HTR1B: variants seen among roughly 807,000 people sequenced by gnomAD.
HTR1B encodes 5-hydroxytryptamine (serotonin) receptor 1B, G protein-coupled.
HTR1B carries 12 observed loss-of-function variants against 25.3 expected under a neutral mutation model. The observed-to-expected ratio is 0.47, with a 90% confidence interval of 0.30 to 0.77. The LOEUF is 0.77. HTR1B is among the 30% of genes least tolerant of loss of function. HTR1B has a pLI of 0.06. For synonymous variants in HTR1B, 224 were observed against 219.1 expected (o/e 1.02, Z -0.20); for missense variants, 453 against 503.0 (o/e 0.90, Z 0.95).
In HTR1B at chr6:77,463,271, A is replaced by G. The variant is rs139152500; in HGVS notation, c.133T>C (p.Ser45Pro). The change falls in exon 1 of 1, where the codon TCC becomes CCC. Residue 45 changes from serine (S) to proline (P), a missense_variant. Physicochemically the swap from Ser to Pro is moderately conservative, Grantham distance 74 (BLOSUM62 -1). Transcript: ENST00000369947. ...ACCAGCAGTACTTTCCAGGGTAGGG[A>G]GATGGAGTCCTGGTAAATGTAGTCC... ...AKDYIYQDSI[S>P]LPWKVLLVML... 6.2e-7 allele frequency: 1 copy of G among 1,614,038 alleles called. No homozygotes were observed. The highest frequency in any genetic ancestry group is 1.3e-5 in the African/African-American group (1 of 74,912).
At position 77,463,453 on chromosome 6, in the gene HTR1B, C is replaced by T. The variant is rs200454424; in HGVS notation, c.-50G>A. On this transcript the variant is annotated 5_prime_UTR_variant, in exon 1 of 1. Transcript: ENST00000369947. ...GCGCAGCTCTTGGGCATGGAGCGGA[C>T]GAAGGAGAGGGCGGAAGGACCGTGG... 1.3e-6 allele frequency: 2 copies of T among 1,500,554 alleles called. No homozygotes were observed. Among genetic ancestry groups the T allele is most frequent in the East Asian group, 2.3e-5 (1 of 44,240 alleles). 93.0% of individuals were successfully genotyped at this position (1,500,554 alleles called of 1,614,324 possible).
chr6:77,462,524 C>T lies in HTR1B; in HGVS notation c.880G>A (p.Val294Ile), dbSNP rs749280197. 4.3e-6 allele frequency: 7 copies of T among 1,613,762 alleles called. No individual in the cohort carries two copies. The highest frequency in any genetic ancestry group is 5.9e-6 in the Non-Finnish European group (7 of 1,180,028). ...TTCTTTTCCAGCAGGGCGTCGGAGA[C>T]TCGCACTTTGACTTGGTTCACATAC... The part of the protein sequence containing the change: ...PVYVNQVKVR[V>I]SDALLEKKKL... Residue 294 changes from valine to isoleucine, a missense_variant, in exon 1 of 1, where the codon GTC becomes ATC. By Grantham distance (29) the Val-to-Ile change is conservative (BLOSUM62 3). This residue lies in a region of HTR1B where 289 missense variants were observed against 319.6 expected (regional missense o/e 0.90). Transcript: ENST00000369947. This position sits in a 1 kb window ranked among gnomAD's most constrained non-coding sequence, Gnocchi z 4.9.
In HTR1B at chr6:77,463,450, G is replaced by C. The variant is rs781088431; in HGVS notation, c.-47C>G. 3.3e-6 allele frequency: 5 copies of C among 1,515,968 alleles called. No homozygotes were observed. The highest frequency in any genetic ancestry group is 1.2e-5 in the South Asian group (1 of 83,522). The allele number at this position is 1,515,968 out of a possible 1,614,324, so 93.9% of individuals were successfully genotyped here. A position where few individuals can be genotyped will look rare whatever the true frequency, so the allele number is the denominator to read the frequency against. ...GGAGCGCAGCTCTTGGGCATGGAGCGGACGAAGGAGAGGGCGGAAGGACCG... is the reference window on the plus strand; with the variant it reads ...GGAGCGCAGCTCTTGGGCATGGAGCCGACGAAGGAGAGGGCGGAAGGACCG... On this transcript the variant is annotated 5_prime_UTR_variant, in exon 1 of 1. Transcript: ENST00000369947.
Position 77,462,965 on chromosome 6 carries a change from G to A in HTR1B, c.439C>T (p.Arg147Cys). The change falls in exon 1 of 1, where the codon CGC (arginine) becomes TGC (cysteine). Residue 147 changes from arginine to cysteine, a missense_variant. By Grantham distance (180) the Arg-to-Cys change is radical (BLOSUM62 -3). This residue lies in a region of HTR1B where 289 missense variants were observed against 319.6 expected (regional missense o/e 0.90). Transcript: ENST00000369947. This position sits in a 1 kb window ranked among gnomAD's most constrained non-coding sequence, Gnocchi z 4.9. ...ACGGCGTCCGTGATGGCCCAGTAGC[G>A]GTCCAGGGCGATGACACAGAGGTGC... The part of the protein sequence containing the change: ...ILHLCVIALD[R>C]YWAITDAVEY... The A allele has an allele frequency of 1.2e-6, 2 of 1,614,082 alleles. No homozygotes were observed. The highest frequency in any genetic ancestry group is 1.7e-6 in the Non-Finnish European group (2 of 1,180,048).
rs769751002 is a variant in HTR1B, at chr6:77,462,492, G to C, written c.912C>G (p.Leu304=). The C allele has an allele frequency of 6.2e-7, 1 of 1,614,018 alleles. No individual in the cohort carries two copies. ...VSDALLEKKK[L]MAARERKATK... ...TGGCTTTGCGCTCCCTAGCGGCCAT[G>C]AGTTTCTTCTTTTCCAGCAGGGCGT... is the stretch of plus-strand genomic sequence containing the variant. Residue 304 remains leucine (L), a synonymous_variant, in exon 1 of 1, where the codon CTC becomes CTG. Coordinates refer to ENST00000369947, the MANE Select transcript of HTR1B (RefSeq NM_000863.3). This position sits in a 1 kb window ranked among gnomAD's most constrained non-coding sequence, Gnocchi z 4.9.
In HTR1B at chr6:77,463,433, G is replaced by C. The variant is rs1322274573; in HGVS notation, c.-30C>G. On this transcript the variant is annotated 5_prime_UTR_variant, in exon 1 of 1. Coordinates refer to ENST00000369947, the MANE Select transcript of HTR1B (RefSeq NM_000863.3). ...CTCCTCGCCCCAGCTCCGGAGCGCA[G>C]CTCTTGGGCATGGAGCGGACGAAGG... is the stretch of plus-strand genomic sequence containing the variant. 6.3e-7 allele frequency: 1 copy of C among 1,582,420 alleles called. No homozygotes were observed.
In HTR1B at chr6:77,461,102, AT is replaced by A. The variant is rs539911887; in HGVS notation, c.*1128del. Among the ~76,000 whole-genome samples, 1 of 152,132 alleles carries A rather than the reference AT, an allele frequency of 6.6e-6. No individual in the cohort carries two copies. The highest frequency in any genetic ancestry group is 2.4e-5 in the African/African-American group (1 of 41,418). On this transcript the variant is annotated 3_prime_UTR_variant, in exon 1 of 1. Coordinates refer to ENST00000369947, the MANE Select transcript of HTR1B (RefSeq NM_000863.3). ...AGATAAAAGTTTCATGCATTTTAAG[AT>A]TTTTTTACAAGTCAAAATATACATC...
Position 77,462,676 on chromosome 6 carries a change from G to T in HTR1B, c.728C>A (p.Thr243Lys), listed in dbSNP as rs968574182. The change falls in exon 1 of 1, where the codon ACG (threonine) becomes AAG (lysine). Residue 243 changes from threonine (T) to lysine (K), a missense_variant. Physicochemically the swap from Thr to Lys is moderately conservative, Grantham distance 78. Around this residue, in one of 3 missense-constraint regions of HTR1B, gnomAD observed 289 missense variants for 319.6 expected, o/e 0.90. Transcript: ENST00000369947. The surrounding 1 kb of genome is among the most constrained non-coding windows in gnomAD (Gnocchi z 4.9). The stretch of plus-strand genomic sequence containing the variant: ...CAAGCGCTTGCCGGTCCTGTTGGGC[G>T]TCTGTTTCAAAATCCGGGAGCGGGC... ...VEARSRILKQ[T>K]PNRTGKRLTR... The T allele has an allele frequency of 6.2e-7, 1 of 1,613,538 alleles. No homozygotes were observed. Among genetic ancestry groups the T allele is most frequent in the Non-Finnish European group, 8.5e-7 (1 of 1,180,014 alleles).
chr6:77,461,965 G>A lies in HTR1B; in HGVS notation c.*266C>T, dbSNP rs9361234. ...GTTGCAACCCCCTTTGGGATTGGCT[G>A]CCGCAGGGTCAGTGCTGAGCCCGGG... On this transcript the variant is annotated 3_prime_UTR_variant, in exon 1 of 1. Transcript: ENST00000369947. 146,302 of 393,730 alleles carry A rather than the reference G, an allele frequency of 0.37. 31,307 individuals carry two copies. The highest frequency in any genetic ancestry group is 0.52 in the Middle Eastern group (770 of 1,480). 24.4% of individuals were successfully genotyped at this position (393,730 alleles called of 1,614,324 possible). A position where few individuals can be genotyped will look rare whatever the true frequency, so the allele number is the denominator to read the frequency against.
Position 77,462,594 on chromosome 6 carries a change from A to C in HTR1B, c.810T>G (p.Ile270Met), listed in dbSNP as rs750950785. The C allele has an allele frequency of 6.2e-7, 1 of 1,613,066 alleles. No individual in the cohort carries two copies. Among genetic ancestry groups the C allele is most frequent in the Admixed American group, 1.7e-5 (1 of 60,006 alleles). Residue 270 changes from isoleucine (I) to methionine (M), a missense_variant, in exon 1 of 1, where the codon ATT becomes ATG. By Grantham distance (10) the Ile-to-Met change is conservative (BLOSUM62 1). This residue lies in a region of HTR1B where 289 missense variants were observed against 319.6 expected (regional missense o/e 0.90). Coordinates refer to ENST00000369947, the MANE Select transcript of HTR1B (RefSeq NM_000863.3). The surrounding 1 kb of genome is among the most constrained non-coding windows in gnomAD (Gnocchi z 4.9). ...SPGSTSSVTS[I>M]NSRVPDVPSE... ...TGGGCACGTCGGGAACCCGCGAGTTAATAGAGGTGACCGAGGACGTGGACC... is the reference window on the plus strand; with the variant it reads ...TGGGCACGTCGGGAACCCGCGAGTTCATAGAGGTGACCGAGGACGTGGACC...
At position 77,463,288 on chromosome 6, in the gene HTR1B, A is replaced by C; in HGVS notation, c.116T>G (p.Ile39Ser). ...PSQNCSAKDY[I>S]YQDSISLPWK... ...GGGTAGGGAGATGGAGTCCTGGTAA[A>C]TGTAGTCCTTGGCGCTGCAGTTTTG... The change falls in exon 1 of 1, where the codon ATT (isoleucine) becomes AGT (serine). Residue 39 changes from isoleucine (I) to serine (S), a missense_variant. By Grantham distance (142) the Ile-to-Ser change is moderately radical (BLOSUM62 -2). Transcript: ENST00000369947. The C allele has an allele frequency of 6.2e-7, 1 of 1,614,168 alleles. No individual in the cohort carries two copies. The highest frequency in any genetic ancestry group is 8.5e-7 in the Non-Finnish European group (1 of 1,180,016).
In HTR1B at chr6:77,463,437, T is replaced by A. The variant is rs753801466; in HGVS notation, c.-34A>T. Reference sequence around the variant, plus strand: ...TCGCCCCAGCTCCGGAGCGCAGCTCTTGGGCATGGAGCGGACGAAGGAGAG... The same window carrying A: ...TCGCCCCAGCTCCGGAGCGCAGCTCATGGGCATGGAGCGGACGAAGGAGAG... On this transcript the variant is annotated 5_prime_UTR_variant, in exon 1 of 1. The change creates a new upstream start codon in the 5' untranslated region. Coordinates refer to ENST00000369947, the MANE Select transcript of HTR1B (RefSeq NM_000863.3). 1 of 1,574,418 alleles carries A rather than the reference T, an allele frequency of 6.4e-7. No homozygotes were observed. The highest frequency in any genetic ancestry group is 1.7e-5 in the Admixed American group (1 of 58,284).
In HTR1B at chr6:77,462,542, T is replaced by C. The variant is rs1366904746; in HGVS notation, c.862A>G (p.Asn288Asp). The C allele has an allele frequency of 6.2e-7, 1 of 1,613,466 alleles. No homozygotes were observed. The highest frequency in any genetic ancestry group is 2.2e-5 in the East Asian group (1 of 44,860). ...TCGGAGACTCGCACTTTGACTTGGT[T>C]CACATACACAGGAGATCCGGATTCG... ...PSESGSPVYV[N>D]QVKVRVSDAL... is the part of the protein sequence containing the mutation. Residue 288 changes from asparagine to aspartate, a missense_variant, in exon 1 of 1, where the codon AAC becomes GAC. By Grantham distance (23) the Asn-to-Asp change is conservative. This residue lies in a region of HTR1B where 289 missense variants were observed against 319.6 expected (regional missense o/e 0.90). Coordinates refer to ENST00000369947, the MANE Select transcript of HTR1B (RefSeq NM_000863.3). The surrounding 1 kb of genome is among the most constrained non-coding windows in gnomAD (Gnocchi z 4.9).
rs1307433689 is a variant in HTR1B, at chr6:77,462,634, A to T, written c.770T>A (p.Ile257Lys). The T allele has an allele frequency of 4.3e-6, 7 of 1,613,076 alleles. No individual in the cohort carries two copies. Among genetic ancestry groups the T allele is most frequent in the Non-Finnish European group, 5.9e-6 (7 of 1,180,022 alleles). Residue 257 changes from isoleucine (I) to lysine (K), a missense_variant, in exon 1 of 1, where the codon ATA (isoleucine) becomes AAA (lysine). Ile to Lys is a moderately radical substitution (Grantham distance 102). Around this residue, in one of 3 missense-constraint regions of HTR1B, gnomAD observed 289 missense variants for 319.6 expected, o/e 0.90. Transcript: ENST00000369947. The surrounding 1 kb of genome is among the most constrained non-coding windows in gnomAD (Gnocchi z 4.9). ...GGACGTGGACCCGGGGGAGTCGGTT[A>T]TCAGCTGGGCTCGGGTCAAGCGCTT... ...TGKRLTRAQL[I>K]TDSPGSTSSV...
rs1215995753 is a variant in HTR1B, at chr6:77,461,080, T to C, written c.*1151A>G. On this transcript the variant is annotated 3_prime_UTR_variant, in exon 1 of 1. Transcript: ENST00000369947. Reference sequence around the variant, plus strand: ...AAGGAGAGTGCAAATGACTATCAGATAAAAGTTTCATGCATTTTAAGATTT... The same window carrying C: ...AAGGAGAGTGCAAATGACTATCAGACAAAAGTTTCATGCATTTTAAGATTT... Among the ~76,000 whole-genome samples the C allele has an allele frequency of 6.6e-6, 1 of 152,186 alleles. No homozygotes were observed. The highest frequency in any genetic ancestry group is 2.4e-5 in the African/African-American group (1 of 41,450).
rs1766134564 is a variant in HTR1B, at chr6:77,461,479, T to C, written c.*752A>G. ...AATCGCTAAACAGGAATTACAAAAT[T>C]GTAAATCTGCAGAAAACAAACAATC... On this transcript the variant is annotated 3_prime_UTR_variant, in exon 1 of 1. Coordinates refer to ENST00000369947, the MANE Select transcript of HTR1B (RefSeq NM_000863.3). 6.6e-6 allele frequency among the ~76,000 whole-genome samples: 1 copy of C among 152,312 alleles called. No individual in the cohort carries two copies. Among genetic ancestry groups the C allele is most frequent in the African/African-American group, 2.4e-5 (1 of 41,566 alleles).
At position 77,462,382 on chromosome 6, in the gene HTR1B, T is replaced by A. The variant is rs1327561055; in HGVS notation, c.1022A>T (p.Lys341Ile). Residue 341 changes from lysine to isoleucine, a missense_variant, in exon 1 of 1, where the codon AAA becomes ATA. Coordinates refer to ENST00000369947, the MANE Select transcript of HTR1B (RefSeq NM_000863.3). This position sits in a 1 kb window ranked among gnomAD's most constrained non-coding sequence, Gnocchi z 4.9. ...GGCTAGGTGGAACCAGCAGGCATCT[T>A]TGCAGATAGGCATCACTAGGGAGAT... ...FIISLVMPICKDACWFHLAIF... is the reference protein window; with the variant it reads ...FIISLVMPICIDACWFHLAIF... 6.2e-7 allele frequency: 1 copy of A among 1,614,062 alleles called. No homozygotes were observed. The highest frequency in any genetic ancestry group is 1.7e-5 in the Admixed American group (1 of 60,014).
Position 77,462,184 on chromosome 6 carries a change from A to G in HTR1B, c.*47T>C, listed in dbSNP as rs1356534795. 7.6e-7 allele frequency: 1 copy of G among 1,317,936 alleles called. No individual in the cohort carries two copies. Among genetic ancestry groups the G allele is most frequent in the East Asian group, 2.3e-5 (1 of 43,316 alleles). The allele number at this position is 1,317,936 out of a possible 1,614,324, so 81.6% of individuals were successfully genotyped here. Reference sequence around the variant, plus strand: ...CGACCTACCTGTGGAACCAGACACAACTTGGTCCCCAAAGGTCGCTTAGGC... The same window carrying G: ...CGACCTACCTGTGGAACCAGACACAGCTTGGTCCCCAAAGGTCGCTTAGGC... On this transcript the variant is annotated 3_prime_UTR_variant, in exon 1 of 1. Transcript: ENST00000369947. This position sits in a 1 kb window ranked among gnomAD's most constrained non-coding sequence, Gnocchi z 4.9.
rs1033820868 is a variant in HTR1B, at chr6:77,461,583, A to C, written c.*648T>G. On this transcript the variant is annotated 3_prime_UTR_variant, in exon 1 of 1. Transcript: ENST00000369947. The stretch of plus-strand genomic sequence containing the variant: ...CCCCCATATAGTTTCAAGTATAATA[A>C]AAATAGAGATCTCAGCATCAGAATT... 3.8e-4 allele frequency among the ~76,000 whole-genome samples: 52 copies of C among 136,290 alleles called. No individual in the cohort carries two copies. Among genetic ancestry groups the C allele is most frequent in the African/African-American group, 1.4e-3 (51 of 36,678 alleles). 89.4% of individuals were successfully genotyped at this position (136,290 alleles called of 152,430 possible).
Sources: gnomAD v4.1 joint callset for allele counts (sites outside exome capture counted in the v4.1 genomes callset) on GRCh38, gnomAD v4.1.1 for gene constraint, gnomAD v4.1.1 regional missense constraint, Gnocchi (gnomAD v3.1) non-coding constraint, MANE v1.5 for transcripts, NCBI Gene and HGNC (gene_info 2026-07-23, HGNC 2026-07-21) for gene names.